ASS1: variants seen among roughly 807,000 people sequenced by gnomAD.
ASS1 encodes the protein argininosuccinate synthase 1.
A neutral mutation model predicts 60.5 loss-of-function variants in ASS1; 58 were observed. The observed-to-expected ratio is 0.96, with a 90% CI of 0.78 to 1.19. The LOEUF (loss-of-function observed/expected upper bound fraction) is 1.19. ASS1 is among the 50% of genes most tolerant of loss of function. ASS1 has a pLI of 0.00. For synonymous variants in ASS1, 200 were observed against 206.9 expected, an observed-to-expected ratio of 0.97 and a Z score of 0.29; for missense variants, 454 against 547.3, an observed-to-expected ratio of 0.83 and a Z score of 1.70.
At chr9:130,468,287 G>A (rs2131884046) in intron 6 of ASS1, among the ~76,000 whole-genome samples, 1 of 152,284 alleles carries the variant, frequency 6.6e-6, no homozygotes, top group East Asian at 1.9e-4. Flanking sequence ...CGGTAGCCAA[G>A]GCAAAAAGGC....
Position 130,474,074 on chromosome 9 carries a change from C to CA in ASS1, c.597+2559_597+2560insA, listed in dbSNP as rs1491344454. 5.3e-3 allele frequency among the ~76,000 whole-genome samples: 533 copies of CA among 100,092 alleles called. 7 individuals are homozygous for CA. Among genetic ancestry groups the CA allele is most frequent in the Non-Finnish European group, 7.0e-3 (318 of 45,614 alleles). The allele number at this position is 100,092 out of a possible 152,430, so 65.7% of individuals were successfully genotyped here. A position where few individuals can be genotyped will look rare whatever the true frequency, so the allele number is the denominator to read the frequency against. On this transcript the variant is annotated intron_variant, in intron 8 of 14. Coordinates refer to ENST00000352480, the MANE Select transcript of ASS1 (RefSeq NM_054012.4). ...TTCCCTCCCCCGCACCCCCCCCCCC[C>CA]CACAGATGACATTGGAAGTGAGCCC...
Position 130,494,743 on chromosome 9 carries a change from C to G in ASS1, c.971-124C>G, listed in dbSNP as rs957422863. Reference sequence around the variant, plus strand: ...GCAAGCGCACATTGTGCCAGTCTCGCGGGAGGCAGTCATGGTCTGCATGGC... The same window carrying G: ...GCAAGCGCACATTGTGCCAGTCTCGGGGGAGGCAGTCATGGTCTGCATGGC... On this transcript the variant is annotated intron_variant, in intron 12 of 14. Coordinates refer to ENST00000352480, the MANE Select transcript of ASS1 (RefSeq NM_054012.4). The surrounding 1 kb of genome is among the most constrained non-coding windows in gnomAD (Gnocchi z 4.3). The G allele has an allele frequency of 7.8e-6, 10 of 1,280,266 alleles. No individual in the cohort carries two copies. In the East Asian group the frequency reaches 1.9e-4, roughly 24 times the overall value. The allele number at this position is 1,280,266 out of a possible 1,614,324, so 79.3% of individuals were successfully genotyped here.
Position 130,444,963 on chromosome 9 carries a change from T to G in ASS1, c.-38T>G, listed in dbSNP as rs1845160570. 6.1e-6 allele frequency: 1 copy of G among 163,518 alleles called. No homozygotes were observed. Among genetic ancestry groups the G allele is most frequent in the East Asian group, 1.9e-4 (1 of 5,210 alleles). The allele number at this position is 163,518 out of a possible 1,614,324, so 10.1% of individuals were successfully genotyped here. On this transcript the variant is annotated 5_prime_UTR_variant, in exon 1 of 15. Coordinates refer to ENST00000352480, the MANE Select transcript of ASS1 (RefSeq NM_054012.4). This position sits in a 1 kb window ranked among gnomAD's most constrained non-coding sequence, Gnocchi z 4.7. The stretch of plus-strand genomic sequence containing the variant: ...CTGGGATGGGCACCCCTGCCAGTCC[T>G]GCTCTGCCGCCTGCCACCGCTGCCC...
upstream of ASS1, among the ~76,000 whole-genome samples, chr9:130,444,771 G>A (rs943826598): frequency 2.0e-5 from 3 of 151,896 alleles, no homozygotes; most frequent in Non-Finnish European, 4.4e-5. The surrounding 1 kb of genome is among the most constrained non-coding windows in gnomAD (Gnocchi z 4.7). Flanking sequence ...GGGAGGCGGG[G>A]GGAGGTGGGG....
chr9:130,495,122 C>T (rs1846551063), intron 13 of ASS1, 99 bp downstream of exon 13: 1 of 1,432,342 alleles, frequency 7.0e-7, no homozygotes, highest in Non-Finnish European at 9.5e-7. Flanking sequence ...TGTCAGGCAC[C>T]ATGCAGAGCA....
At chr9:130,460,726 G>A (rs1293095449) in intron 4 of ASS1, among the ~76,000 whole-genome samples, 1 of 152,152 alleles carries the variant, frequency 6.6e-6, no homozygotes, top group Non-Finnish European at 1.5e-5. Flanking sequence ...TTCATCCTGA[G>A]GGCAACTGAT....
chr9:130,471,386 C>T (rs1845862340), intron 7 of ASS1, 99 bp from the exon 8 acceptor site: 1 of 1,467,966 alleles, frequency 6.8e-7, no homozygotes, highest in African/African-American at 1.4e-5. Context: ...GAGTAAAAGG[C>T]AGACCAGGCT....
chr9:130,474,982 C>T (rs1457253289), intron 8 of ASS1, among the ~76,000 whole-genome samples: 1 of 152,232 alleles, frequency 6.6e-6, no homozygotes, highest in Non-Finnish European at 1.5e-5. Context: ...TGCAGGGATA[C>T]AGCTGGCCCT....
intron 13 of ASS1, among the ~76,000 whole-genome samples, chr9:130,498,237 C>T (rs1846652163): frequency 6.6e-6 from 1 of 152,152 alleles, no homozygotes; most frequent in Non-Finnish European, 1.5e-5. Context: ...GCAGATCCTC[C>T]TGCCTCCCAA....
At chr9:130,473,527 C>T (rs999601911) in intron 8 of ASS1, among the ~76,000 whole-genome samples, 1 of 152,080 alleles carries the variant, frequency 6.6e-6, no homozygotes, top group Non-Finnish European at 1.5e-5. Flanking sequence ...AGTCCAGTCA[C>T]TCTGGAAAGA....
chr9:130,472,347 G>A (rs949305568), intron 8 of ASS1, among the ~76,000 whole-genome samples: 2 of 152,050 alleles, frequency 1.3e-5, no homozygotes, highest in Admixed American at 1.3e-4. Context: ...GATCCCCCAG[G>A]GCCCGGGCGT....
rs1479558973 is a variant in ASS1 at position 130,478,733 on chromosome 9, G to T, written c.689-983G>T. Among the ~76,000 whole-genome samples, 1 of 152,202 alleles carries T rather than the reference G, an allele frequency of 6.6e-6. No individual in the cohort carries two copies. Among genetic ancestry groups the T allele is most frequent in the African/African-American group, 2.4e-5 (1 of 41,444 alleles). ...GAAAGGGAGAGAGGAGAGGCGGGGG[G>T]TGGTGAGAGGGGCTTAAGGTTCATT... is the stretch of plus-strand genomic sequence containing the variant. On this transcript the variant is annotated intron_variant, in intron 9 of 14. Transcript: ENST00000352480. The surrounding 1 kb of genome is among the most constrained non-coding windows in gnomAD (Gnocchi z 4.7).
intron 8 of ASS1, among the ~76,000 whole-genome samples, chr9:130,472,488 G>C (rs868594802): frequency 6.6e-6 from 1 of 152,182 alleles, no homozygotes; most frequent in Non-Finnish European, 1.5e-5. Flanking sequence ...CTGGCTGGGA[G>C]CATCCTCACT....
intron 1 of ASS1, among the ~76,000 whole-genome samples, chr9:130,447,285 G>C (rs1033477821): frequency 1.3e-5 from 2 of 152,246 alleles, no homozygotes; most frequent in Admixed American, 6.5e-5. Context: ...GCTAGCTTGT[G>C]ACCTCGGCTG....
chr9:130,479,997 G>A, intron 10 of ASS1, 197 bp downstream of exon 10: 1 of 744,698 alleles, frequency 1.3e-6, no homozygotes, highest in Non-Finnish European at 2.4e-6. Flanking sequence ...CTTAGCCTTG[G>A]AAGATAACAA....
chr9:130,488,936 G>A lies in ASS1; in HGVS notation c.839-397G>A, dbSNP rs371527340. 3.9e-5 allele frequency among the ~76,000 whole-genome samples: 6 copies of A among 152,298 alleles called. No homozygotes were observed. In the South Asian group the frequency reaches 6.2e-4, roughly 16 times the overall value. On this transcript the variant is annotated intron_variant, in intron 11 of 14. Coordinates refer to ENST00000352480, the MANE Select transcript of ASS1 (RefSeq NM_054012.4). The surrounding 1 kb of genome is among the most constrained non-coding windows in gnomAD (Gnocchi z 5.2). Reference sequence around the variant, plus strand: ...ATGTGCACAGCTGTCCCCCTCCCCTGGCTCCCTGGTGGAAGGGAAGAAGGG... The same window carrying A: ...ATGTGCACAGCTGTCCCCCTCCCCTAGCTCCCTGGTGGAAGGGAAGAAGGG...
intron 1 of ASS1, among the ~76,000 whole-genome samples, chr9:130,448,975 C>T (rs1845263211): frequency 6.6e-6 from 1 of 152,202 alleles, no homozygotes; most frequent in South Asian, 2.1e-4. Context: ...GTGCCTGCCA[C>T]AGGCATCTGG....
At position 130,477,011 on chromosome 9, in the gene ASS1, G is replaced by C; in HGVS notation, c.688+50G>C. The C allele has an allele frequency of 6.4e-7, 1 of 1,566,136 alleles. No homozygotes were observed. Among genetic ancestry groups the C allele is most frequent in the Non-Finnish European group, 8.8e-7 (1 of 1,136,922 alleles). ...GAAGGGGGTTGACTTTTGGGGCCCT[G>C]GCTCCTTTCCCCTCCCTGCCTGGGA... On this transcript the variant is annotated intron_variant, in intron 9 of 14. Transcript: ENST00000352480. This position sits in a 1 kb window ranked among gnomAD's most constrained non-coding sequence, Gnocchi z 4.2.
At chr9:130,499,043 T>C (rs1294617039) in intron 13 of ASS1, among the ~76,000 whole-genome samples, 1 of 152,190 alleles carries the variant, frequency 6.6e-6, no homozygotes, top group African/African-American at 2.4e-5. Flanking sequence ...CTGTGAATGC[T>C]GGAGGCCTCC....
Sources: allele counts gnomAD v4.1 joint callset (sites outside exome capture counted in the v4.1 genomes callset), GRCh38; gene constraint gnomAD v4.1.1; non-coding constraint Gnocchi (gnomAD v3.1); transcripts MANE v1.5; gene names NCBI Gene and HGNC (gene_info 2026-07-23, HGNC 2026-07-21).